Variants in ZC3H13 observed in about 807,000 individuals in gnomAD.
The protein encoded by ZC3H13 is zinc finger CCCH-type containing 13, also known as zinc finger CCCH domain-containing protein 13.
ZC3H13 carries 64 observed loss-of-function variants against 204.1 expected under a neutral mutation model. That is an observed-to-expected ratio of 0.31 (90% CI 0.26 to 0.39). The LOEUF is 0.39. ZC3H13 is among the 10% of genes least tolerant of loss of function. The pLI, the probability that ZC3H13 is intolerant of heterozygous loss-of-function variation, is 1.00. For missense variants in ZC3H13, 1,833 were observed against 2,082.7 expected (o/e 0.88, Z 2.33); for synonymous variants, 667 against 693.7 (o/e 0.96, Z 0.60).
chr13:46,030,595 C>T (rs1566327192), intron 4 of ZC3H13, among the ~76,000 whole-genome samples: 1 of 151,874 alleles, frequency 6.6e-6, no homozygotes, highest in African/African-American at 2.4e-5. Flanking sequence ...AAAGAACTGA[C>T]AAATAGATTA....
rs1951199485 is a variant in ZC3H13, at chr13:45,954,797, G to A, written c.*2330C>T. On this transcript the variant is annotated 3_prime_UTR_variant, in exon 19 of 19. Coordinates refer to ENST00000679008, the MANE Select transcript of ZC3H13 (RefSeq NM_001330564.2). ...AAAATCCTAATGTAGTCATAGGCTA[G>A]GATGGTGACGACAATCTGCAATTAC... is the stretch of plus-strand genomic sequence containing the variant. The A allele has an allele frequency of 6.6e-6, 1 of 152,224 alleles. No individual in the cohort carries two copies. Among genetic ancestry groups the A allele is most frequent in the African/African-American group, 2.4e-5 (1 of 41,454 alleles). 9.4% of individuals were successfully genotyped at this position (152,224 alleles called of 1,614,324 possible). A position where few individuals can be genotyped will look rare whatever the true frequency, so the allele number is the denominator to read the frequency against.
At chr13:45,978,922 T>C (rs558572185) in intron 11 of ZC3H13, among the ~76,000 whole-genome samples, 40 of 152,172 alleles carry the variant, frequency 2.6e-4, no homozygotes, top group Non-Finnish European at 4.9e-4. Flanking sequence ...CTCCTACTTC[T>C]GATCCTATCT....
At chr13:45,983,593 A>ATTTT (rs553898553) in intron 10 of ZC3H13, among the ~76,000 whole-genome samples, 1 of 146,420 alleles carries the variant, frequency 6.8e-6, no homozygotes, top group Non-Finnish European at 1.5e-5. Flanking sequence ...CGCCCGGCTA[A>ATTTT]TTTTTTTGTA....
intron 7 of ZC3H13, among the ~76,000 whole-genome samples, chr13:46,005,343 A>G (rs2041059202): frequency 6.6e-6 from 1 of 152,052 alleles, no homozygotes; most frequent in Non-Finnish European, 1.5e-5. Flanking sequence ...TATCTCTTGG[A>G]TCTCTCCTCC....
At chr13:45,965,734 CTG>C (rs1326830891) in intron 15 of ZC3H13, among the ~76,000 whole-genome samples, 6 of 152,068 alleles carry the variant, frequency 3.9e-5, no homozygotes, top group African/African-American at 1.2e-4. Flanking sequence ...CTAATGTTGA[CTG>C]TGTATTATTT....
chr13:46,028,512 T>C (rs2042681495), intron 4 of ZC3H13, among the ~76,000 whole-genome samples: 1 of 152,176 alleles, frequency 6.6e-6, no homozygotes. Context: ...AAAATACACA[T>C]TCTTCTCAAG....
intron 4 of ZC3H13, among the ~76,000 whole-genome samples, chr13:46,036,581 GA>G (rs1193965366): frequency 2.0e-5 from 3 of 150,236 alleles, no homozygotes; most frequent in South Asian, 2.1e-4. Context: ...AGGTGGAAAA[GA>G]AAAAAAACAA....
intron 11 of ZC3H13, 135 bp downstream of exon 11, chr13:45,979,678 T>C: frequency 1.2e-6 from 1 of 849,016 alleles, no homozygotes; most frequent in African/African-American, 1.8e-5. Flanking sequence ...TGAGTATATA[T>C]AATAGTTTCA....
chr13:46,041,127 A>T (rs1257355901), intron 4 of ZC3H13, among the ~76,000 whole-genome samples: 1 of 152,106 alleles, frequency 6.6e-6, no homozygotes, highest in Non-Finnish European at 1.5e-5. Context: ...CTTGTACATA[A>T]ATGTTCATAG....
intron 4 of ZC3H13, 119 bp downstream of exon 4, chr13:46,042,045 G>C (rs1484912038): frequency 6.7e-6 from 5 of 741,536 alleles, no homozygotes; most frequent in East Asian, 2.6e-5. Flanking sequence ...TATCCATATA[G>C]AACATTATAA....
rs2044577843 is a variant in ZC3H13 at position 46,052,737 on chromosome 13, T to G, written c.-343A>C. 2.5e-6 allele frequency: 1 copy of G among 397,394 alleles called. No homozygotes were observed. Among genetic ancestry groups the G allele is most frequent in the African/African-American group, 2.1e-5 (1 of 48,596 alleles). 24.6% of individuals were successfully genotyped at this position (397,394 alleles called of 1,614,324 possible). Reference sequence around the variant, plus strand: ...GACCGCCTCAAAATGCCGCCGGAAGTCAGAGGTTTGCCCTGTTCCTCTGTA... The same window carrying G: ...GACCGCCTCAAAATGCCGCCGGAAGGCAGAGGTTTGCCCTGTTCCTCTGTA... On this transcript the variant is annotated 5_prime_UTR_variant, in exon 1 of 19. Coordinates refer to ENST00000679008, the MANE Select transcript of ZC3H13 (RefSeq NM_001330564.2).
chr13:45,985,363 G>A lies in ZC3H13; in HGVS notation c.1654C>T (p.Arg552Ter), dbSNP rs1466115407. The A allele has an allele frequency of 1.2e-6, 2 of 1,614,062 alleles. No homozygotes were observed. Among genetic ancestry groups the A allele is most frequent in the South Asian group, 1.1e-5 (1 of 91,068 alleles). Residue 552 changes from arginine to a stop codon, truncating the protein, a stop_gained, in exon 10 of 19, where the codon CGA becomes TGA. Coordinates refer to ENST00000679008, the MANE Select transcript of ZC3H13 (RefSeq NM_001330564.2). LOFTEE classifies it high-confidence loss of function. ...ATTCGGTCATTTCTAATTTCACTTCGAGACTCATTTCTGGACTCATTCCTT... is the reference window on the plus strand; with the variant it reads ...ATTCGGTCATTTCTAATTTCACTTCAAGACTCATTTCTGGACTCATTCCTT... ...EIRNESRNES[R>*]SEIRNDRMGR...
chr13:45,988,142 C>A (rs1406963461), intron 9 of ZC3H13, among the ~76,000 whole-genome samples: 1 of 152,170 alleles, frequency 6.6e-6, no homozygotes, highest in Non-Finnish European at 1.5e-5. Flanking sequence ...CCCTTCACCT[C>A]CTTGTTTTCA....
rs138137929 is a variant in ZC3H13, at chr13:46,000,051, T to A, written c.944+3088A>T. Among the ~76,000 whole-genome samples the A allele has an allele frequency of 4.4e-3, 669 of 152,334 alleles. 3 individuals are homozygous for A. Among genetic ancestry groups the A allele is most frequent in the Non-Finnish European group, 7.5e-3 (509 of 68,028 alleles). On this transcript the variant is annotated intron_variant, in intron 8 of 18. Coordinates refer to ENST00000679008, the MANE Select transcript of ZC3H13 (RefSeq NM_001330564.2). ...TTTAGTAAACCATGCTGTAAACAGATGTGCTGTCATCCATGCTTGTTTTTC... is the reference window on the plus strand; with the variant it reads ...TTTAGTAAACCATGCTGTAAACAGAAGTGCTGTCATCCATGCTTGTTTTTC...
intron 1 of ZC3H13, among the ~76,000 whole-genome samples, chr13:46,045,873 C>T (rs2043917328): frequency 1.3e-5 from 2 of 152,098 alleles, no homozygotes; most frequent in African/African-American, 4.8e-5. Context: ...ACAAAAATTG[C>T]TTCAAAATTT....
chr13:46,046,908 G>GA (rs1223209368), intron 1 of ZC3H13, among the ~76,000 whole-genome samples: 1 of 151,228 alleles, frequency 6.6e-6, no homozygotes, highest in African/African-American at 2.4e-5. Context: ...TAAGGGGAAG[G>GA]AAAAAAAACA....
In ZC3H13 at chr13:45,983,419, T is replaced by A. The variant is rs1424601574; in HGVS notation, c.1720+1878A>T. Among the ~76,000 whole-genome samples, 141 of 19,218 alleles carry A rather than the reference T, an allele frequency of 7.3e-3. 1 individual carries two copies. The highest frequency in any genetic ancestry group is 0.036 in the East Asian group (21 of 582). 12.6% of individuals were successfully genotyped at this position (19,218 alleles called of 152,430 possible). ...CTTCTACTTATATATATATATTTTT[T>A]TTTTTTTTTTTTTTTTTTTTTTTTT... On this transcript the variant is annotated intron_variant, in intron 10 of 18. Transcript: ENST00000679008.
intron 1 of ZC3H13, among the ~76,000 whole-genome samples, chr13:46,050,099 T>TTA (rs1292748359): frequency 6.6e-6 from 1 of 152,128 alleles, no homozygotes; most frequent in Non-Finnish European, 1.5e-5. Context: ...TCTGAAGTCT[T>TTA]TATAATCTCT....
chr13:46,014,192 T>G (rs970875946), intron 5 of ZC3H13, among the ~76,000 whole-genome samples: 1 of 152,162 alleles, frequency 6.6e-6, no homozygotes. Context: ...TTACTTTAAG[T>G]TCTGGGATAC....
Sources: allele counts gnomAD v4.1 joint callset (sites outside exome capture counted in the v4.1 genomes callset), GRCh38; gene constraint gnomAD v4.1.1; transcripts MANE v1.5; gene names NCBI Gene and HGNC (gene_info 2026-07-23, HGNC 2026-07-21).